The following LRP1B variants were observed in gnomAD, a reference collection of about 807,000 sequenced individuals.
The protein encoded by LRP1B is LDL receptor related protein 1B, also known as low-density lipoprotein receptor-related protein 1B.
Under a neutral mutation model 556.6 loss-of-function variants are expected in LRP1B, and 217 were observed. The observed-to-expected ratio is 0.39, with a 90% confidence interval of 0.35 to 0.44. The LOEUF (loss-of-function observed/expected upper bound fraction) is 0.44, where lower values mean the gene tolerates loss of function less well. LRP1B is among the 20% of genes least tolerant of loss of function. LRP1B has a pLI of 1.00. For synonymous variants in LRP1B, 2,047 were observed against 1,865.8 expected (o/e 1.10, Z -2.50); for missense variants, 5,053 against 5,620.8 (o/e 0.90, Z 3.23).
intron 18 of LRP1B, among the ~76,000 whole-genome samples, chr2:140,981,665 G>T (rs1352294986): frequency 1.3e-5 from 2 of 152,140 alleles, no homozygotes; most frequent in African/African-American, 4.8e-5. Flanking sequence ...TATTGAGTTT[G>T]TCAGTCAGAA....
intron 1 of LRP1B, among the ~76,000 whole-genome samples, chr2:141,864,254 T>C (rs1367837406): frequency 2.6e-5 from 4 of 152,212 alleles, no homozygotes; most frequent in African/African-American, 9.6e-5. Flanking sequence ...TTAAAATAGG[T>C]TTTTGAGATT....
At chr2:141,816,043 G>A (rs1168435817) in intron 1 of LRP1B, among the ~76,000 whole-genome samples, 1 of 152,196 alleles carries the variant, frequency 6.6e-6, no homozygotes, top group Non-Finnish European at 1.5e-5. Context: ...TAAAAAGTGT[G>A]CAGTTGACAG....
chr2:141,679,829 CATA>C (rs1174044339), intron 2 of LRP1B, among the ~76,000 whole-genome samples: 3 of 151,102 alleles, frequency 2.0e-5, no homozygotes, highest in African/African-American at 4.9e-5. Flanking sequence ...TTTATGTAGA[CATA>C]ATAAAAGATA....
intron 1 of LRP1B, among the ~76,000 whole-genome samples, chr2:141,988,224 G>C (rs2105109814): frequency 6.6e-6 from 1 of 151,792 alleles, no homozygotes; most frequent in African/African-American, 2.4e-5. Flanking sequence ...AATGTAAGGT[G>C]AATTAAAAAA....
chr2:140,673,462 T>C (rs1344127708), intron 41 of LRP1B, among the ~76,000 whole-genome samples: 1 of 152,200 alleles, frequency 6.6e-6, no homozygotes, highest in Non-Finnish European at 1.5e-5. Flanking sequence ...TATAATGATT[T>C]AAGTATTCTC....
chr2:140,378,908 C>T (rs1428099078), intron 67 of LRP1B, among the ~76,000 whole-genome samples: 2 of 152,144 alleles, frequency 1.3e-5, no homozygotes, highest in Non-Finnish European at 2.9e-5. Flanking sequence ...TATCACTTGC[C>T]TGTCAATTTA....
At chr2:140,390,313 A>G (rs1683960194) in intron 66 of LRP1B, among the ~76,000 whole-genome samples, 1 of 152,196 alleles carries the variant, frequency 6.6e-6, no homozygotes, top group Non-Finnish European at 1.5e-5. Flanking sequence ...TAATGTACAT[A>G]TGGTCAATTG....
At chr2:141,102,857 T>C (rs1700501532) in intron 7 of LRP1B, among the ~76,000 whole-genome samples, 1 of 152,096 alleles carries the variant, frequency 6.6e-6, no homozygotes, top group Non-Finnish European at 1.5e-5. Context: ...ATAATAAAAA[T>C]TCTTTATTTA....
In LRP1B at chr2:140,840,153, C is replaced by A. The variant is rs13415934; in HGVS notation, c.5115-68G>T. ...CCTACTCACTGAGAAGAAATATACA[C>A]TAAAAAACAAAGTAAACATCAAAAT... On this transcript the variant is annotated intron_variant, in intron 30 of 90. Coordinates refer to ENST00000389484, the MANE Select transcript of LRP1B (RefSeq NM_018557.3). The A allele has an allele frequency of 0.011, 9,604 of 841,624 alleles. 592 individuals are homozygous for A. The African/African-American group carries it at 0.14, about 13-fold the overall frequency. The allele number at this position is 841,624 out of a possible 1,614,324, so 52.1% of individuals were successfully genotyped here.
At chr2:140,946,850 G>T (rs950872487) in intron 20 of LRP1B, among the ~76,000 whole-genome samples, 6 of 152,104 alleles carry the variant, frequency 3.9e-5, no homozygotes, top group Non-Finnish European at 5.9e-5. Flanking sequence ...ACCATAAAAA[G>T]GAACAAATTA....
chr2:141,536,195 A>G (rs923737292), intron 2 of LRP1B, among the ~76,000 whole-genome samples: 1 of 152,102 alleles, frequency 6.6e-6, no homozygotes, highest in Non-Finnish European at 1.5e-5. Context: ...TTCATAAACA[A>G]CTAGTTTAAT....
intron 79 of LRP1B, among the ~76,000 whole-genome samples, chr2:140,327,623 A>G (rs1680558342): frequency 6.9e-6 from 1 of 145,450 alleles, no homozygotes; most frequent in Non-Finnish European, 1.5e-5. Flanking sequence ...CCAATGTGCT[A>G]CAATAAAGAA....
chr2:141,674,415 A>G (rs894412510), intron 2 of LRP1B, among the ~76,000 whole-genome samples: 2 of 152,080 alleles, frequency 1.3e-5, no homozygotes, highest in African/African-American at 4.8e-5. Context: ...TGTCTTCTTA[A>G]GACCAATTTA....
chr2:141,752,563 G>A (rs1694152957), intron 2 of LRP1B, among the ~76,000 whole-genome samples: 1 of 151,980 alleles, frequency 6.6e-6, no homozygotes, highest in African/African-American at 2.4e-5. Context: ...GGTTCTCAAA[G>A]GTAGCCATGG....
At chr2:140,993,044 T>C (rs1697138583) in intron 16 of LRP1B, among the ~76,000 whole-genome samples, 1 of 152,056 alleles carries the variant, frequency 6.6e-6, no homozygotes, top group Non-Finnish European at 1.5e-5. Flanking sequence ...CATCGATGTT[T>C]GAATAAAATG....
chr2:140,295,911 G>C (rs905276436), intron 84 of LRP1B, among the ~76,000 whole-genome samples: 2 of 152,206 alleles, frequency 1.3e-5, no homozygotes, highest in East Asian at 3.9e-4. Flanking sequence ...ATCCAGGCAA[G>C]AGATACTGGT....
intron 2 of LRP1B, among the ~76,000 whole-genome samples, chr2:141,755,412 T>A (rs1694279621): frequency 2.0e-5 from 3 of 151,822 alleles, no homozygotes; most frequent in Admixed American, 6.6e-5. Flanking sequence ...AGGAAAAAAA[T>A]TAGCTTAAAC....
chr2:141,568,708 T>C (rs544352087), intron 2 of LRP1B, among the ~76,000 whole-genome samples: 16 of 151,418 alleles, frequency 1.1e-4, no homozygotes, highest in African/African-American at 3.9e-4. Context: ...TTTCTATATG[T>C]TAATTTGTTC....
intron 21 of LRP1B, among the ~76,000 whole-genome samples, chr2:140,908,365 A>AATATATATAT (rs71834225): frequency 2.8e-4 from 39 of 140,986 alleles, no homozygotes; most frequent in Middle Eastern, 3.8e-3. Flanking sequence ...ATATTTATAT[A>AATATATATAT]ATATATATAT....
Sources: gnomAD v4.1 joint callset for allele counts (sites outside exome capture counted in the v4.1 genomes callset) on GRCh38, gnomAD v4.1.1 for gene constraint, MANE v1.5 for transcripts, NCBI Gene and HGNC (gene_info 2026-07-23, HGNC 2026-07-21) for gene names.